GAL3ST1: variants seen among roughly 807,000 people sequenced by gnomAD.
GAL3ST1 encodes galactose-3-O-sulfotransferase 1, also known as galactosylceramide sulfotransferase.
GAL3ST1 carries 13 observed loss-of-function variants against 25.0 expected under a neutral mutation model. The observed-to-expected ratio is 0.52, with a 90% CI of 0.34 to 0.83. The LOEUF (loss-of-function observed/expected upper bound fraction) is 0.83, where lower values mean the gene tolerates loss of function less well. Among genes scored for constraint, GAL3ST1 ranks in the 40% least tolerant of loss-of-function variants. GAL3ST1 has a pLI of 0.02. For missense variants in GAL3ST1, 474 were observed against 613.6 expected (o/e 0.77, Z 2.40); for synonymous variants, 274 against 277.8 (o/e 0.99, Z 0.14).
chr22:30,565,188 A>G (rs959756118), intron 1 of GAL3ST1: 1 of 152,304 alleles, frequency 6.6e-6, no homozygotes, highest in Non-Finnish European at 1.5e-5. Flanking sequence ...GAGAGCCCAG[A>G]ACAGGCTCTA....
intron 1 of GAL3ST1, among the ~76,000 whole-genome samples, chr22:30,566,449 G>C (rs1445788456): frequency 6.6e-6 from 1 of 152,184 alleles, no homozygotes; most frequent in African/African-American, 2.4e-5. Flanking sequence ...CTTCATCTAG[G>C]TGAGAGTGAA....
At chr22:30,564,829 G>A (rs1264440560) in intron 1 of GAL3ST1, 2 of 152,272 alleles carry the variant, frequency 1.3e-5, no homozygotes, top group Non-Finnish European at 2.9e-5. Flanking sequence ...ACTCACCTCG[G>A]GCTGTGGCTG....
At chr22:30,574,188 C>T (rs1035896152) in intron 1 of GAL3ST1, among the ~76,000 whole-genome samples, 2 of 152,132 alleles carry the variant, frequency 1.3e-5, no homozygotes, top group African/African-American at 4.8e-5. Context: ...ACCCATCCCA[C>T]CTTCAGGGAC....
intron 1 of GAL3ST1, among the ~76,000 whole-genome samples, chr22:30,570,612 A>T (rs1200313093): frequency 6.6e-6 from 1 of 152,208 alleles, no homozygotes; most frequent in African/African-American, 2.4e-5. Context: ...GCCTGACAAC[A>T]TGGAGAAACC....
intron 1 of GAL3ST1, among the ~76,000 whole-genome samples, chr22:30,572,068 G>A (rs1417884996): frequency 6.6e-6 from 1 of 152,158 alleles, no homozygotes; most frequent in Non-Finnish European, 1.5e-5. Flanking sequence ...CTGAGGGGGG[G>A]ATTTGAGTAG....
At chr22:30,557,184 G>A in intron 3 of GAL3ST1, 78 bp downstream of exon 3, 4 of 1,437,378 alleles carry the variant, frequency 2.8e-6, no homozygotes, top group Non-Finnish European at 3.9e-6. Flanking sequence ...CAGGCCCTGT[G>A]GTAATTACAG....
intron 3 of GAL3ST1, 104 bp downstream of exon 3, chr22:30,557,158 C>T: frequency 5.7e-6 from 7 of 1,226,984 alleles, no homozygotes; most frequent in Non-Finnish European, 8.2e-6. Context: ...AGGGTGGCTA[C>T]CCAAGATCAC....
At chr22:30,567,775 C>T (rs1296076888) in intron 1 of GAL3ST1, among the ~76,000 whole-genome samples, 2 of 152,084 alleles carry the variant, frequency 1.3e-5, no homozygotes, top group African/African-American at 4.8e-5. Context: ...CCTCTGCCCC[C>T]TGGGTTCAAG....
At chr22:30,564,972 T>A (rs952329369) in intron 1 of GAL3ST1, 12 of 152,240 alleles carry the variant, frequency 7.9e-5, no homozygotes, top group African/African-American at 2.9e-4. Context: ...GTGGTGTGAA[T>A]ATTCATGAGT....
Position 30,555,484 on chromosome 22 carries a change from G to A in GAL3ST1, c.741C>T (p.His247=), listed in dbSNP as rs745723937. Residue 247 remains histidine, a synonymous_variant, in exon 4 of 4, where the codon CAC becomes CAT. Transcript: ENST00000406361. The surrounding 1 kb of genome is among the most constrained non-coding windows in gnomAD (Gnocchi z 8.6). ...CGAAGTACTCTTGAAGGAGCACCAGGTGGAAGCGACGCTCCACCTCCAGGA... is the reference window on the plus strand; with the variant it reads ...CGAAGTACTCTTGAAGGAGCACCAGATGGAAGCGACGCTCCACCTCCAGGA... ...EHILEVERRF[H]LVLLQEYFDE... The A allele has an allele frequency of 6.2e-7, 1 of 1,613,658 alleles. No individual in the cohort carries two copies. The highest frequency in any genetic ancestry group is 8.5e-7 in the Non-Finnish European group (1 of 1,179,994).
chr22:30,554,940 G>T lies in GAL3ST1; in HGVS notation c.*13C>A. On this transcript the variant is annotated 3_prime_UTR_variant, in exon 4 of 4. Coordinates refer to ENST00000406361, the MANE Select transcript of GAL3ST1 (RefSeq NM_001318104.2). The stretch of plus-strand genomic sequence containing the variant: ...GGAGCGAGCAGGCAGGCAAGCCGCT[G>T]GGCGGTGGGACGTCACCACCGCAGG... The T allele has an allele frequency of 6.5e-7, 1 of 1,541,700 alleles. No homozygotes were observed. The highest frequency in any genetic ancestry group is 1.8e-5 in the Admixed American group (1 of 55,420).
intron 1 of GAL3ST1, among the ~76,000 whole-genome samples, chr22:30,570,251 C>A (rs1036641580): frequency 3.3e-5 from 5 of 152,156 alleles, no homozygotes; most frequent in African/African-American, 1.2e-4. Flanking sequence ...ATGGAAGGAG[C>A]TTTCAAGAGT....
At chr22:30,573,452 G>GCGTA (rs1244712483) in intron 1 of GAL3ST1, among the ~76,000 whole-genome samples, 1 of 152,232 alleles carries the variant, frequency 6.6e-6, no homozygotes, top group Non-Finnish European at 1.5e-5. Flanking sequence ...AAGGAACAGT[G>GCGTA]CGTACACAGT....
Position 30,555,681 on chromosome 22 carries a change from G to C in GAL3ST1, c.544C>G (p.Pro182Ala). ...SSFHYFGPVV[P>A]LTWKLSAGDK... ...CCGGCCGAGAGCTTCCACGTGAGGG[G>C]CACCACCGGCCCGAAGTAGTGGAAG... The change falls in exon 4 of 4, where the codon CCC (proline) becomes GCC (alanine). Residue 182 changes from proline to alanine, a missense_variant. Coordinates refer to ENST00000406361, the MANE Select transcript of GAL3ST1 (RefSeq NM_001318104.2). The surrounding 1 kb of genome is among the most constrained non-coding windows in gnomAD (Gnocchi z 8.6). The C allele has an allele frequency of 6.2e-7, 1 of 1,613,814 alleles. No individual in the cohort carries two copies. The highest frequency in any genetic ancestry group is 1.6e-4 in the Middle Eastern group (1 of 6,062).
chr22:30,555,845 T>A lies in GAL3ST1; in HGVS notation c.380A>T (p.Gln127Leu). The A allele has an allele frequency of 1.2e-6, 2 of 1,614,168 alleles. No homozygotes were observed. Among genetic ancestry groups the A allele is most frequent in the Non-Finnish European group, 1.7e-6 (2 of 1,180,030 alleles). Reference sequence around the variant, plus strand: ...GAAGCAGGCCCCGGGCCGATAGTCCTGCACCAGGCTGCGGGCGAAGAAGGT... The same window carrying A: ...GAAGCAGGCCCCGGGCCGATAGTCCAGCACCAGGCTGCGGGCGAAGAAGGT... ...YPTFFARSLV[Q>L]DYRPGACFNI... Residue 127 changes from glutamine to leucine, a missense_variant, in exon 4 of 4, where the codon CAG becomes CTG. Around this residue, in one of 2 missense-constraint regions of GAL3ST1, gnomAD observed 359 missense variants for 504.4 expected, o/e 0.71. Coordinates refer to ENST00000406361, the MANE Select transcript of GAL3ST1 (RefSeq NM_001318104.2). This position sits in a 1 kb window ranked among gnomAD's most constrained non-coding sequence, Gnocchi z 8.6.
chr22:30,555,871 C>G lies in GAL3ST1; in HGVS notation c.354G>C (p.Pro118=). 1 of 1,614,130 alleles carries G rather than the reference C, an allele frequency of 6.2e-7. No homozygotes were observed. Among genetic ancestry groups the G allele is most frequent in the Non-Finnish European group, 8.5e-7 (1 of 1,180,026 alleles). The change falls in exon 4 of 4, where the codon CCG becomes CCC. Residue 118 remains proline, a synonymous_variant. Transcript: ENST00000406361. The surrounding 1 kb of genome is among the most constrained non-coding windows in gnomAD (Gnocchi z 8.6). Reference sequence around the variant, plus strand: ...GCACCAGGCTGCGGGCGAAGAAGGTCGGGTAGTCGAAGTCATTGCGGCCGT... The same window carrying G: ...GCACCAGGCTGCGGGCGAAGAAGGTGGGGTAGTCGAAGTCATTGCGGCCGT... The part of the protein sequence containing the change: ...FPNGRNDFDY[P]TFFARSLVQD...
chr22:30,571,761 G>C (rs1255075727), intron 1 of GAL3ST1, among the ~76,000 whole-genome samples: 2 of 152,218 alleles, frequency 1.3e-5, no homozygotes, highest in Non-Finnish European at 2.9e-5. Context: ...CTACTCGGGA[G>C]GCTGAGGCAG....
At position 30,554,865 on chromosome 22, in the gene GAL3ST1, G is replaced by C. The variant is rs1335956981; in HGVS notation, c.*88C>G. Reference sequence around the variant, plus strand: ...CCGGGGTCTGAGGTGGCACCAGGAGGGGGCTGGGGGCGGCCAGCACCAGCG... The same window carrying C: ...CCGGGGTCTGAGGTGGCACCAGGAGCGGGCTGGGGGCGGCCAGCACCAGCG... On this transcript the variant is annotated 3_prime_UTR_variant, in exon 4 of 4. Coordinates refer to ENST00000406361, the MANE Select transcript of GAL3ST1 (RefSeq NM_001318104.2). 9.1e-7 allele frequency: 1 copy of C among 1,093,562 alleles called. No homozygotes were observed. The highest frequency in any genetic ancestry group is 1.6e-5 in the African/African-American group (1 of 62,402). The allele number at this position is 1,093,562 out of a possible 1,614,324, so 67.7% of individuals were successfully genotyped here.
chr22:30,564,506 G>T (rs1460735569), intron 1 of GAL3ST1, among the ~76,000 whole-genome samples: 1 of 152,158 alleles, frequency 6.6e-6, no homozygotes, highest in Non-Finnish European at 1.5e-5. Context: ...AGTGACAACT[G>T]CAGGCACTCA....
Sources: allele counts gnomAD v4.1 joint callset (sites outside exome capture counted in the v4.1 genomes callset), GRCh38; gene constraint gnomAD v4.1.1; regional missense constraint gnomAD v4.1.1; non-coding constraint Gnocchi (gnomAD v3.1); transcripts MANE v1.5; gene names NCBI Gene and HGNC (gene_info 2026-07-23, HGNC 2026-07-21).